The following LGR4 variants were observed in gnomAD, a reference collection of about 807,000 sequenced individuals.
LGR4 encodes the protein leucine rich repeat containing G protein-coupled receptor 4.
Under a neutral mutation model 84.8 loss-of-function variants are expected in LGR4, and 44 were observed. The ratio of observed to expected loss-of-function variants is 0.52; its 90% confidence interval spans 0.41 to 0.67. The LOEUF is 0.67. Among genes scored for constraint, LGR4 ranks in the 30% least tolerant of loss-of-function variants. The pLI is 0.00. For missense variants in LGR4, 1,032 were observed against 1,131.4 expected (o/e 0.91, Z 1.26); for synonymous variants, 429 against 434.3 (o/e 0.99, Z 0.15).
At chr11:27,444,075 C>T (rs1484262266) in intron 1 of LGR4, among the ~76,000 whole-genome samples, 1 of 145,840 alleles carries the variant, frequency 6.9e-6, no homozygotes, top group Non-Finnish European at 1.5e-5. Context: ...CATTACACGC[C>T]TGTTTTCTTG....
rs370852209 is a variant in LGR4 at position 27,435,131 on chromosome 11, T to A, written c.186-22271A>T. Among the ~76,000 whole-genome samples the A allele has an allele frequency of 1.2e-4, 18 of 152,154 alleles. No homozygotes were observed. The South Asian group carries it at 2.7e-3, about 23-fold the overall frequency. ...CGGGAGATCACTTGAGATCAGGCGTTCGAGACCAGCCTGGCCAATATGGTG... is the reference window on the plus strand; with the variant it reads ...CGGGAGATCACTTGAGATCAGGCGTACGAGACCAGCCTGGCCAATATGGTG... On this transcript the variant is annotated intron_variant, in intron 1 of 17. Coordinates refer to ENST00000379214, the MANE Select transcript of LGR4 (RefSeq NM_018490.5).
chr11:27,449,356 G>A (rs116101182), intron 1 of LGR4, among the ~76,000 whole-genome samples: 1,663 of 152,320 alleles, frequency 0.011, 34 homozygotes, highest in African/African-American at 0.038. Context: ...GCCGAGGTAA[G>A]ATGATCATTT....
At chr11:27,471,893 G>C (rs555891489) in intron 1 of LGR4, 1 of 341,400 alleles carries the variant, frequency 2.9e-6, no homozygotes, top group African/African-American at 2.2e-5. Flanking sequence ...GTCTGGGAAC[G>C]AAAGCTACTG....
At chr11:27,470,248 A>T (rs1159325019) in intron 1 of LGR4, among the ~76,000 whole-genome samples, 1 of 152,222 alleles carries the variant, frequency 6.6e-6, no homozygotes, top group Non-Finnish European at 1.5e-5. Flanking sequence ...AAAGTTGAAG[A>T]TACAGCATTT....
Position 27,380,923 on chromosome 11 carries a change from A to T in LGR4, c.802T>A (p.Phe268Ile). 1 of 1,558,932 alleles carries T rather than the reference A, an allele frequency of 6.4e-7. No individual in the cohort carries two copies. The highest frequency in any genetic ancestry group is 1.1e-5 in the South Asian group (1 of 89,836). The change falls in exon 8 of 18, where the codon TTT becomes ATT. Residue 268 changes from phenylalanine to isoleucine, a missense_variant. Coordinates refer to ENST00000379214, the MANE Select transcript of LGR4 (RefSeq NM_018490.5). ...NSISVIPDGA[F>I]DGNPLLRTIH... is the part of the protein sequence containing the mutation. ...GTTCTTAAGAGTGGATTACCATCAA[A>T]TGCTCCATCAGGGATAACAGAAATA...
At chr11:27,464,495 T>G (rs1009584547) in intron 1 of LGR4, among the ~76,000 whole-genome samples, 1 of 152,190 alleles carries the variant, frequency 6.6e-6, no homozygotes, top group Admixed American at 6.5e-5. Context: ...TCCCCTCACA[T>G]GAAAACAGCT....
chr11:27,401,916 C>T (rs184732261), intron 2 of LGR4, among the ~76,000 whole-genome samples: 212 of 152,242 alleles, frequency 1.4e-3, no homozygotes, highest in African/African-American at 3.8e-3. Context: ...GCATGCAATA[C>T]GCTGCTAAGT....
At chr11:27,371,540 T>C (rs1398275557) in intron 17 of LGR4, 75 bp downstream of exon 17, 4 of 1,010,178 alleles carry the variant, frequency 4.0e-6, no homozygotes, top group Admixed American at 1.8e-5. Context: ...ATCACATCTA[T>C]ACCCAGGACA....
At chr11:27,432,928 A>G (rs565636853) in intron 1 of LGR4, among the ~76,000 whole-genome samples, 113 of 152,294 alleles carry the variant, frequency 7.4e-4, no homozygotes, top group African/African-American at 2.7e-3. Flanking sequence ...AGTAGTCTGT[A>G]AACTGTTAAC....
At chr11:27,458,034 G>A (rs763277617) in intron 1 of LGR4, among the ~76,000 whole-genome samples, 6 of 152,252 alleles carry the variant, frequency 3.9e-5, no homozygotes, top group Non-Finnish European at 7.4e-5. Context: ...GAGGGCTAAG[G>A]TAGGAGGACT....
At chr11:27,404,303 C>G (rs1321513797) in intron 2 of LGR4, among the ~76,000 whole-genome samples, 3 of 152,162 alleles carry the variant, frequency 2.0e-5, no homozygotes, top group African/African-American at 7.2e-5. Context: ...CCTGATTTAT[C>G]AAATCCAAAT....
chr11:27,422,007 C>G (rs147371039), intron 1 of LGR4, among the ~76,000 whole-genome samples: 2 of 152,276 alleles, frequency 1.3e-5, no homozygotes, highest in East Asian at 3.9e-4. Context: ...TTCTTCCTAC[C>G]TAACTGGTGT....
At chr11:27,422,909 T>C (rs1863947774) in intron 1 of LGR4, among the ~76,000 whole-genome samples, 1 of 152,202 alleles carries the variant, frequency 6.6e-6, no homozygotes, top group African/African-American at 2.4e-5. Context: ...TTCAACTGTT[T>C]CTATAGAACT....
chr11:27,377,732 G>T (rs1863013518), intron 11 of LGR4, among the ~76,000 whole-genome samples: 1 of 151,976 alleles, frequency 6.6e-6, no homozygotes, highest in Non-Finnish European at 1.5e-5. Context: ...TCAAACACCA[G>T]AACTAGTTAA....
At chr11:27,382,110 T>C in intron 7 of LGR4, 78 bp downstream of exon 7, 6 of 934,408 alleles carry the variant, frequency 6.4e-6, no homozygotes, top group Non-Finnish European at 6.9e-6. Flanking sequence ...AACAAGATGT[T>C]CTAAAATCCC....
At chr11:27,472,079 T>G in intron 1 of LGR4, 39 bp downstream of exon 1, 27 of 1,131,828 alleles carry the variant, frequency 2.4e-5, no homozygotes, top group Non-Finnish European at 2.7e-5. Context: ...TGGGCCCCGT[T>G]TCCTCCCCCC....
chr11:27,416,031 G>A (rs1348832409), intron 1 of LGR4, among the ~76,000 whole-genome samples: 1 of 152,136 alleles, frequency 6.6e-6, no homozygotes, highest in Non-Finnish European at 1.5e-5. Context: ...TAAGGAAGTT[G>A]TTTAAAGAAT....
chr11:27,428,722 A>G (rs1183898899), intron 1 of LGR4, among the ~76,000 whole-genome samples: 4 of 152,264 alleles, frequency 2.6e-5, no homozygotes, highest in Non-Finnish European at 1.5e-5. Context: ...AGGTTGGAAA[A>G]AAAGGTGAAC....
intron 1 of LGR4, among the ~76,000 whole-genome samples, chr11:27,419,398 T>C (rs1863881638): frequency 6.6e-6 from 1 of 151,750 alleles, no homozygotes; most frequent in African/African-American, 2.4e-5. Context: ...TTTTTTTAAA[T>C]AGCAGCTGAC....
Sources: allele counts gnomAD v4.1 joint callset (sites outside exome capture counted in the v4.1 genomes callset), GRCh38; gene constraint gnomAD v4.1.1; transcripts MANE v1.5; gene names NCBI Gene and HGNC (gene_info 2026-07-23, HGNC 2026-07-21).